PCDHA10: variants seen among roughly 807,000 people sequenced by gnomAD.
PCDHA10 encodes protocadherin alpha 10.
Under a neutral mutation model 61.2 loss-of-function variants are expected in PCDHA10, and 45 were observed. The ratio of observed to expected loss-of-function variants is 0.74; its 90% CI spans 0.58 to 0.94. The LOEUF is 0.94. Among genes scored for constraint, PCDHA10 ranks in the 40% least tolerant of loss-of-function variants. The probability of loss-of-function intolerance (pLI) is 0.00; values close to 1 mark genes in which losing one functional copy is unlikely to be tolerated. For synonymous variants in PCDHA10, 602 were observed against 548.8 expected (o/e 1.10, Z -1.35); for missense variants, 1,278 against 1,236.2 (o/e 1.03, Z -0.51).
At chr5:140,868,887 G>A in intron 1 of PCDHA10, 1 of 740,170 alleles carries the variant, frequency 1.4e-6, no homozygotes, top group Admixed American at 3.1e-5. Context: ...CACAGTTTTA[G>A]GCGCAAGGTG....
At chr5:140,934,365 A>T (rs2089794268) in intron 1 of PCDHA10, among the ~76,000 whole-genome samples, 1 of 151,884 alleles carries the variant, frequency 6.6e-6, no homozygotes, top group Non-Finnish European at 1.5e-5. Context: ...CACTGCTTTG[A>T]CTCCTTCTGT....
chr5:140,940,756 T>A (rs782132428), intron 1 of PCDHA10, among the ~76,000 whole-genome samples: 23 of 152,246 alleles, frequency 1.5e-4, no homozygotes, highest in Non-Finnish European at 2.8e-4. Context: ...GTGTGCCAAC[T>A]TTTATTTGAC....
chr5:140,941,259 T>G (rs368206632), intron 1 of PCDHA10, among the ~76,000 whole-genome samples: 1 of 121,734 alleles, frequency 8.2e-6, no homozygotes, highest in Non-Finnish European at 1.8e-5. Flanking sequence ...TTCTTTCTCT[T>G]TCTTTCTTTC....
Position 141,010,446 on chromosome 5 carries a change from C to A in PCDHA10, c.*509C>A. On this transcript the variant is annotated 3_prime_UTR_variant, in exon 4 of 4. Coordinates refer to ENST00000307360, the MANE Select transcript of PCDHA10 (RefSeq NM_018901.4). ...AGGCAAGAAAACAAAGACAAATAAA[C>A]AGCGGAAGTTATCAGTATGGAGGGG... 1 of 944,706 alleles carries A rather than the reference C, an allele frequency of 1.1e-6. No homozygotes were observed. The highest frequency in any genetic ancestry group is 1.7e-5 in the African/African-American group (1 of 60,424). The allele number at this position is 944,706 out of a possible 1,614,324, so 58.5% of individuals were successfully genotyped here.
chr5:140,940,666 A>G (rs1398290925), intron 1 of PCDHA10, among the ~76,000 whole-genome samples: 1 of 152,176 alleles, frequency 6.6e-6, no homozygotes, highest in Non-Finnish European at 1.5e-5. Flanking sequence ...TTAAATCTTC[A>G]TCTGATAATT....
chr5:140,899,056 G>A (rs1370417194), intron 1 of PCDHA10, among the ~76,000 whole-genome samples: 1 of 152,062 alleles, frequency 6.6e-6, no homozygotes, highest in Non-Finnish European at 1.5e-5. Context: ...CTGAGACTTT[G>A]CTGAAGTTGC....
chr5:140,943,522 G>T (rs2093513187), intron 1 of PCDHA10, among the ~76,000 whole-genome samples: 1 of 152,144 alleles, frequency 6.6e-6, no homozygotes, highest in Non-Finnish European at 1.5e-5. Flanking sequence ...GTTGAGTTCA[G>T]TATGCAAAAT....
Position 140,884,467 on chromosome 5 carries a change from G to C in PCDHA10, c.2388+26031G>C, listed in dbSNP as rs199814121. 11 of 1,613,778 alleles carry C rather than the reference G, an allele frequency of 6.8e-6. No homozygotes were observed. The South Asian group carries it at 8.8e-5, about 13-fold the overall frequency. On this transcript the variant is annotated intron_variant, in intron 1 of 3. Transcript: ENST00000307360. ...CACCGCCCACCGAGGGCGCGTGCGC[G>C]CCGGGCAAGCCCACTCTAGTGTGCT...
intron 1 of PCDHA10, among the ~76,000 whole-genome samples, chr5:140,952,541 T>G (rs1554220493): frequency 6.6e-6 from 1 of 152,140 alleles, no homozygotes; most frequent in African/African-American, 2.4e-5. Flanking sequence ...CTGGACTTCT[T>G]TGTCCATTTC....
intron 1 of PCDHA10, chr5:140,969,293 C>T: frequency 6.2e-7 from 1 of 1,614,188 alleles, no homozygotes; most frequent in Admixed American, 1.7e-5. Flanking sequence ...TGCTGGGAAC[C>T]TGATTATTCT....
rs1307872758 is a variant in PCDHA10, at chr5:140,858,559, T to A, written c.2388+123T>A. The A allele has an allele frequency of 2.2e-6, 3 of 1,382,404 alleles. No homozygotes were observed. The African/African-American group carries it at 4.3e-5, about 20-fold the overall frequency. The allele number at this position is 1,382,404 out of a possible 1,614,324, so 85.6% of individuals were successfully genotyped here. On this transcript the variant is annotated intron_variant, in intron 1 of 3. Coordinates refer to ENST00000307360, the MANE Select transcript of PCDHA10 (RefSeq NM_018901.4). The stretch of plus-strand genomic sequence containing the variant: ...CTACATTCCATTTATGCTTGAATAT[T>A]TCTAGTGATACCTTTGTAATATAAT...
intron 3 of PCDHA10, among the ~76,000 whole-genome samples, chr5:141,002,946 G>A (rs2098104148): frequency 6.6e-6 from 1 of 152,180 alleles, no homozygotes; most frequent in African/African-American, 2.4e-5. Flanking sequence ...TCCAGCACAT[G>A]CCCCTCTGAG....
At chr5:140,960,346 T>A (rs782732587) in intron 1 of PCDHA10, among the ~76,000 whole-genome samples, 21 of 152,174 alleles carry the variant, frequency 1.4e-4, no homozygotes, top group Admixed American at 2.6e-4. Context: ...AGGTGAGATA[T>A]GTACTGAAAT....
intron 1 of PCDHA10, among the ~76,000 whole-genome samples, chr5:140,896,969 CACAA>C (rs1554187153): frequency 2.0e-5 from 3 of 152,106 alleles, no homozygotes; most frequent in African/African-American, 7.2e-5. Context: ...TTATTCTTTG[CACAA>C]ACAAACCAGT....
intron 2 of PCDHA10, among the ~76,000 whole-genome samples, chr5:140,980,255 C>T (rs782489996): frequency 2.0e-4 from 31 of 152,210 alleles, no homozygotes; most frequent in Middle Eastern, 3.2e-3. Flanking sequence ...TGGGTAAAAG[C>T]ATGGTTTACA....
At chr5:140,874,530 G>T (rs1332198120) in intron 1 of PCDHA10, among the ~76,000 whole-genome samples, 2 of 152,200 alleles carry the variant, frequency 1.3e-5, no homozygotes, top group Admixed American at 6.5e-5. Flanking sequence ...ATGAGATTAG[G>T]CTCCAAAACC....
chr5:140,927,128 A>T (rs2083872958), intron 1 of PCDHA10: 2 of 1,613,878 alleles, frequency 1.2e-6, no homozygotes, highest in Non-Finnish European at 1.7e-6. Context: ...GTGGTCAGAG[A>T]GCCGGCGGAC....
At chr5:140,997,688 G>C (rs1232415745) in intron 3 of PCDHA10, among the ~76,000 whole-genome samples, 1 of 151,990 alleles carries the variant, frequency 6.6e-6, no homozygotes, top group Non-Finnish European at 1.5e-5. Context: ...GTGTGTGTGT[G>C]TGTGTGTGTA....
rs1192934836 is a variant in PCDHA10, at chr5:140,858,028, C to T, written c.1980C>T (p.Ala660=). 1 of 1,596,786 alleles carries T rather than the reference C, an allele frequency of 6.3e-7. No individual in the cohort carries two copies. The highest frequency in any genetic ancestry group is 8.6e-7 in the Non-Finnish European group (1 of 1,167,084). The change falls in exon 1 of 4, where the codon GCC becomes GCT. Residue 660 remains alanine (A), a synonymous_variant. Coordinates refer to ENST00000307360, the MANE Select transcript of PCDHA10 (RefSeq NM_018901.4). The part of the protein sequence containing the change: ...VKDHGEPSLT[A]TATVLVSLVE... ...ACCATGGCGAGCCGTCGCTGACGGC[C>T]ACGGCCACTGTGCTTGTGTCGCTTG...
Sources: gnomAD v4.1 joint callset for allele counts (sites outside exome capture counted in the v4.1 genomes callset) on GRCh38, gnomAD v4.1.1 for gene constraint, MANE v1.5 for transcripts, NCBI Gene and HGNC (gene_info 2026-07-23, HGNC 2026-07-21) for gene names.